The following RERE variants were observed in gnomAD, a reference collection of about 807,000 sequenced individuals.
RERE encodes the protein arginine-glutamic acid dipeptide repeats protein.
A neutral mutation model predicts 146.1 loss-of-function variants in RERE; 40 were observed. The ratio of observed to expected loss-of-function variants is 0.27; its 90% CI spans 0.21 to 0.36. RERE has a LOEUF of 0.36. RERE is among the 10% of genes least tolerant of loss of function. The pLI, the probability that RERE is intolerant of heterozygous loss-of-function variation, is 1.00. For missense variants in RERE, 1,933 were observed against 2,138.7 expected (o/e 0.90, Z 1.90); for synonymous variants, 1,003 against 866.0 (o/e 1.16, Z -2.78).
intron 10 of RERE, among the ~76,000 whole-genome samples, chr1:8,489,204 A>C (rs1055996969): frequency 1.3e-5 from 2 of 151,572 alleles, no homozygotes; most frequent in Admixed American, 6.6e-5. Context: ...ACAAACAAAA[A>C]CTCTAAAAAA....
chr1:8,392,364 T>C (rs1642912345), intron 12 of RERE, among the ~76,000 whole-genome samples: 1 of 152,238 alleles, frequency 6.6e-6, no homozygotes, highest in South Asian at 2.1e-4. Context: ...AAAAAAATCC[T>C]TTTATGCTTA....
intron 2 of RERE, among the ~76,000 whole-genome samples, chr1:8,625,101 A>G (rs146985673): frequency 6.6e-6 from 1 of 152,222 alleles, no homozygotes; most frequent in Non-Finnish European, 1.5e-5. Flanking sequence ...GATGCTCTCA[A>G]TGACTGGAGT....
At chr1:8,809,157 A>AAAAAAAAAAAAAAAAATAAAAT (rs985140466) in intron 1 of RERE, among the ~76,000 whole-genome samples, 1 of 146,122 alleles carries the variant, frequency 6.8e-6, no homozygotes, top group African/African-American at 2.8e-5. Context: ...AAAAAAAAAA[A>AAAAAAAAAAAAAAAAATAAAAT]AAAGTACTGA....
chr1:8,627,726 C>A (rs1376481577), intron 2 of RERE, among the ~76,000 whole-genome samples: 1 of 152,080 alleles, frequency 6.6e-6, no homozygotes, highest in East Asian at 1.9e-4. Flanking sequence ...CATTACTACA[C>A]ACCATCTTAC....
At chr1:8,546,613 C>T (rs1407772954) in intron 6 of RERE, among the ~76,000 whole-genome samples, 2 of 151,696 alleles carry the variant, frequency 1.3e-5, no homozygotes, top group Non-Finnish European at 2.9e-5. Context: ...TTTGGGAGGT[C>T]GAGGTGGGCA....
chr1:8,702,090 G>C (rs1319118149), intron 1 of RERE, among the ~76,000 whole-genome samples: 1 of 147,448 alleles, frequency 6.8e-6, no homozygotes, highest in African/African-American at 2.5e-5. Context: ...AAAAAAGCCA[G>C]AACTCAAAAC....
At chr1:8,377,422 A>G (rs1222455170) in intron 12 of RERE, among the ~76,000 whole-genome samples, 1 of 152,158 alleles carries the variant, frequency 6.6e-6, no homozygotes, top group Non-Finnish European at 1.5e-5. Context: ...CCCAAACCCT[A>G]AGAATTCATT....
intron 12 of RERE, among the ~76,000 whole-genome samples, chr1:8,405,390 T>C (rs1557614418): frequency 1.3e-5 from 2 of 152,206 alleles, no homozygotes; most frequent in East Asian, 1.9e-4. Flanking sequence ...AACTAGAAGT[T>C]GGTTAATAAC....
chr1:8,568,050 G>A (rs1646173140), intron 4 of RERE, among the ~76,000 whole-genome samples: 1 of 152,212 alleles, frequency 6.6e-6, no homozygotes, highest in South Asian at 2.1e-4. Flanking sequence ...GAGGAGACTG[G>A]TGTGTCAGAT....
At chr1:8,559,267 C>A in intron 4 of RERE, among the ~76,000 whole-genome samples, 2 of 13,826 alleles carry the variant, frequency 1.4e-4, no homozygotes, top group African/African-American at 1.8e-4. Flanking sequence ...GCAACAAGAG[C>A]AAAACTCCAG....
At chr1:8,675,562 T>C (rs1052917066) in intron 1 of RERE, among the ~76,000 whole-genome samples, 25 of 150,230 alleles carry the variant, frequency 1.7e-4, no homozygotes, top group Non-Finnish European at 3.5e-4. Flanking sequence ...TGGTTCCAGC[T>C]ACTCGGGAGG....
rs1327463929 is a variant in RERE, at chr1:8,354,969, A to G, written c.*118T>C. 1.2e-6 allele frequency: 1 copy of G among 813,722 alleles called. No homozygotes were observed. The highest frequency in any genetic ancestry group is 2.7e-5 in the East Asian group (1 of 37,722). The allele number at this position is 813,722 out of a possible 1,614,324, so 50.4% of individuals were successfully genotyped here. On this transcript the variant is annotated 3_prime_UTR_variant, in exon 23 of 23. Transcript: ENST00000400908. ...TTTTTAGTTGTGGGTTTTTAAATAT[A>G]TAAAGAAATCTTTAGAAGATATTCT...
chr1:8,703,517 G>A (rs1388552489), intron 1 of RERE, among the ~76,000 whole-genome samples: 2 of 152,058 alleles, frequency 1.3e-5, no homozygotes, highest in Non-Finnish European at 2.9e-5. Context: ...CGCCGCGGGC[G>A]CGCGCACACA....
intron 2 of RERE, among the ~76,000 whole-genome samples, chr1:8,635,977 C>T (rs4990161): frequency 0.21 from 28,256 of 136,408 alleles, 2,842 homozygotes; most frequent in Middle Eastern, 0.27. Context: ...CTTATCTTAT[C>T]TTATTTTATT....
chr1:8,530,348 G>A (rs1199101838), intron 7 of RERE, among the ~76,000 whole-genome samples: 5 of 152,140 alleles, frequency 3.3e-5, no homozygotes, highest in Non-Finnish European at 7.4e-5. Flanking sequence ...ACTTAAATTT[G>A]TAGTGAGTAG....
rs1324438197 is a variant in RERE at position 8,703,256 on chromosome 1, T to A, written c.-144-46815A>T. ...GGCGCGGGCGCAGGTCCCGGCGGCTTGGCGGCTCCGGGAGGCGGTGGCCGC... is the reference window on the plus strand; with the variant it reads ...GGCGCGGGCGCAGGTCCCGGCGGCTAGGCGGCTCCGGGAGGCGGTGGCCGC... On this transcript the variant is annotated intron_variant, in intron 1 of 22. Coordinates refer to ENST00000400908, the MANE Select transcript of RERE (RefSeq NM_001042681.2). 7.4e-5 allele frequency: 11 copies of A among 149,434 alleles called. No homozygotes were observed. In the East Asian group the frequency reaches 2.2e-3, roughly 29 times the overall value. The allele number at this position is 149,434 out of a possible 1,614,324, so 9.3% of individuals were successfully genotyped here.
rs772940396 is a variant in RERE, at chr1:8,355,604, C to G, written c.4487-5G>C. 1 of 1,565,852 alleles carries G rather than the reference C, an allele frequency of 6.4e-7. No individual in the cohort carries two copies. ...GGTCACGGGGGTAGGGGGTGCCTGC[C>G]GAACACAAAACAACCTGCGCTACAG... is the stretch of plus-strand genomic sequence containing the variant. On this transcript the variant is annotated splice_region_variant and splice_polypyrimidine_tract_variant and intron_variant, in intron 21 of 22. Coordinates refer to ENST00000400908, the MANE Select transcript of RERE (RefSeq NM_001042681.2).
intron 12 of RERE, among the ~76,000 whole-genome samples, chr1:8,393,414 GT>G (rs1642951763): frequency 1.3e-5 from 2 of 152,130 alleles, no homozygotes; most frequent in Non-Finnish European, 2.9e-5. Flanking sequence ...TGATTGGACC[GT>G]AGCATGACAA....
intron 7 of RERE, among the ~76,000 whole-genome samples, chr1:8,526,934 T>C (rs1011500560): frequency 6.6e-6 from 1 of 152,056 alleles, no homozygotes; most frequent in African/African-American, 2.4e-5. Flanking sequence ...GAAAAAGAAA[T>C]GGAAGACCAT....
Sources: allele counts gnomAD v4.1 joint callset (sites outside exome capture counted in the v4.1 genomes callset), GRCh38; gene constraint gnomAD v4.1.1; transcripts MANE v1.5; gene names NCBI Gene and HGNC (gene_info 2026-07-23, HGNC 2026-07-21).